WASL: variants seen among roughly 807,000 people sequenced by gnomAD.
The protein encoded by WASL is WASP like actin nucleation promoting factor.
In WASL, 20 loss-of-function variants were observed where a neutral mutation model predicts 55.5. That is an observed-to-expected ratio of 0.36 (90% CI 0.25 to 0.52). WASL has a LOEUF of 0.52. WASL is among the 20% of genes least tolerant of loss of function. The pLI is 0.92. For synonymous variants in WASL, 249 were observed against 217.6 expected (o/e 1.14, Z -1.27); for missense variants, 504 against 622.5 (o/e 0.81, Z 2.03).
In WASL at chr7:123,684,639, C is replaced by T. The variant is rs1472154589; in HGVS notation, c.1457-59G>A. 4 of 1,465,262 alleles carry T rather than the reference C, an allele frequency of 2.7e-6. No individual in the cohort carries two copies. In the Admixed American group the frequency reaches 9.8e-5, roughly 36 times the overall value. 90.8% of individuals were successfully genotyped at this position (1,465,262 alleles called of 1,614,324 possible). On this transcript the variant is annotated intron_variant, in intron 10 of 10. Transcript: ENST00000223023. ...ATAAATAAAATGACATTACATAATTCTTGGGTGGTTTCTCCAATTATTTAA... is the reference window on the plus strand; with the variant it reads ...ATAAATAAAATGACATTACATAATTTTTGGGTGGTTTCTCCAATTATTTAA...
intron 10 of WASL, 28 bp downstream of exon 10, chr7:123,689,014 C>G (rs759506022): frequency 1.3e-4 from 155 of 1,148,734 alleles, no homozygotes; most frequent in Admixed American, 1.7e-4. Context: ...CTGTCTCTCT[C>G]TCTCTCTCTC....
intron 5 of WASL, among the ~76,000 whole-genome samples, chr7:123,701,387 A>C (rs1192919601): frequency 6.6e-6 from 1 of 152,224 alleles, no homozygotes; most frequent in Non-Finnish European, 1.5e-5. Flanking sequence ...CATTAATTAC[A>C]TAAGAAGCAA....
intron 1 of WASL, among the ~76,000 whole-genome samples, chr7:123,740,947 G>A (rs944969942): frequency 2.0e-5 from 3 of 152,170 alleles, no homozygotes; most frequent in African/African-American, 7.2e-5. Context: ...TCTGTGTGGA[G>A]TTTGCAGGTA....
intron 1 of WASL, among the ~76,000 whole-genome samples, chr7:123,717,250 G>A (rs1803861325): frequency 6.6e-6 from 1 of 152,092 alleles, no homozygotes; most frequent in Non-Finnish European, 1.5e-5. Flanking sequence ...TGTTTGTCCT[G>A]GGGAAAAGAG....
chr7:123,721,362 GT>G (rs988798814), intron 1 of WASL, among the ~76,000 whole-genome samples: 3 of 152,108 alleles, frequency 2.0e-5, no homozygotes, highest in Admixed American at 6.6e-5. Flanking sequence ...CAAAAGGTAG[GT>G]TACTTTGAGA....
chr7:123,711,145 A>G (rs967214538), intron 1 of WASL, among the ~76,000 whole-genome samples: 2 of 152,108 alleles, frequency 1.3e-5, no homozygotes, highest in African/African-American at 4.8e-5. Context: ...CACACACAAA[A>G]AAGTTATTCA....
chr7:123,712,357 G>A (rs1803772042), intron 1 of WASL, among the ~76,000 whole-genome samples: 1 of 152,030 alleles, frequency 6.6e-6, no homozygotes, highest in Non-Finnish European at 1.5e-5. Flanking sequence ...AAGTGAACAA[G>A]TATTTGTTAA....
chr7:123,742,442 G>T (rs911070567), intron 1 of WASL, among the ~76,000 whole-genome samples: 1 of 152,098 alleles, frequency 6.6e-6, no homozygotes, highest in Non-Finnish European at 1.5e-5. Flanking sequence ...TCTTGAATCA[G>T]TCTCTAAAGT....
At chr7:123,724,658 G>A (rs1395108245) in intron 1 of WASL, among the ~76,000 whole-genome samples, 2 of 152,172 alleles carry the variant, frequency 1.3e-5, no homozygotes, top group Non-Finnish European at 2.9e-5. Context: ...TGAACTGAGA[G>A]GGGTGCCTTT....
At chr7:123,742,189 A>G (rs1186915894) in intron 1 of WASL, among the ~76,000 whole-genome samples, 1 of 152,190 alleles carries the variant, frequency 6.6e-6, no homozygotes, top group African/African-American at 2.4e-5. Context: ...ATAAGCAAGA[A>G]AGACAGTAAA....
At chr7:123,737,617 C>T (rs993254045) in intron 1 of WASL, among the ~76,000 whole-genome samples, 4 of 100,522 alleles carry the variant, frequency 4.0e-5, no homozygotes, top group African/African-American at 1.0e-4. Context: ...AAAAAAAAAG[C>T]ATTTCATATG....
At chr7:123,710,312 A>C (rs1022294483) in intron 1 of WASL, among the ~76,000 whole-genome samples, 3 of 150,968 alleles carry the variant, frequency 2.0e-5, no homozygotes, top group Non-Finnish European at 4.4e-5. Context: ...TCATATAAAT[A>C]TATATTTTTT....
At chr7:123,714,396 T>G (rs571769015) in intron 1 of WASL, among the ~76,000 whole-genome samples, 1 of 151,842 alleles carries the variant, frequency 6.6e-6, no homozygotes, top group African/African-American at 2.4e-5. Context: ...AAAAAGAATA[T>G]GGCAATGACA....
At chr7:123,688,651 C>A (rs1020468654) in intron 10 of WASL, among the ~76,000 whole-genome samples, 1 of 152,220 alleles carries the variant, frequency 6.6e-6, no homozygotes, top group Admixed American at 6.5e-5. Flanking sequence ...TGTGAGTCAC[C>A]GCACCCAGCC....
chr7:123,703,043 T>C (rs111426808), intron 5 of WASL, among the ~76,000 whole-genome samples: 1 of 152,204 alleles, frequency 6.6e-6, no homozygotes, highest in African/African-American at 2.4e-5. Flanking sequence ...GTTGAAATAC[T>C]AGGCTTATAT....
Position 123,706,736 on chromosome 7 carries a change from T to C in WASL, c.339+4A>G. 1 of 1,555,256 alleles carries C rather than the reference T, an allele frequency of 6.4e-7. No individual in the cohort carries two copies. The stretch of plus-strand genomic sequence containing the variant: ...AGATGGCAATAAAGAAAAATATGAC[T>C]TACATCTCCAGCAAAGGTATGAAAA... On this transcript the variant is annotated splice_donor_region_variant and intron_variant, in intron 3 of 10. Coordinates refer to ENST00000223023, the MANE Select transcript of WASL (RefSeq NM_003941.4).
At chr7:123,715,962 T>G (rs764764401) in intron 1 of WASL, among the ~76,000 whole-genome samples, 3 of 152,150 alleles carry the variant, frequency 2.0e-5, no homozygotes, top group Non-Finnish European at 4.4e-5. Flanking sequence ...TGGGTTATAT[T>G]TGCAAATGGG....
chr7:123,737,588 C>CT (rs1804258034), intron 1 of WASL, among the ~76,000 whole-genome samples: 1 of 134,930 alleles, frequency 7.4e-6, no homozygotes, highest in Non-Finnish European at 1.6e-5. Context: ...GAGCAAGACT[C>CT]CGTCTCCCAA....
At chr7:123,724,477 T>A (rs1476557904) in intron 1 of WASL, among the ~76,000 whole-genome samples, 1 of 152,220 alleles carries the variant, frequency 6.6e-6, no homozygotes, top group Non-Finnish European at 1.5e-5. Context: ...ATTTCATTTA[T>A]ACATCCAATA....
Sources: allele counts gnomAD v4.1 joint callset (sites outside exome capture counted in the v4.1 genomes callset), GRCh38; gene constraint gnomAD v4.1.1; transcripts MANE v1.5; gene names NCBI Gene and HGNC (gene_info 2026-07-23, HGNC 2026-07-21).